Variants in PDE11A observed in about 807,000 individuals in gnomAD.
The protein encoded by PDE11A is phosphodiesterase 11A, also known as dual 3',5'-cyclic-AMP and -GMP phosphodiesterase 11A.
A neutral mutation model predicts 100.5 loss-of-function variants in PDE11A; 100 were observed. The observed-to-expected ratio is 1.00, with a 90% CI of 0.85 to 1.18. PDE11A has a LOEUF of 1.18. PDE11A is among the 50% of genes most tolerant of loss of function. The probability of loss-of-function intolerance (pLI) is 0.00; values close to 1 mark genes in which losing one functional copy is unlikely to be tolerated. For synonymous variants in PDE11A, 381 were observed against 420.8 expected (o/e 0.91, Z 1.16); for missense variants, 1,141 against 1,152.6 (o/e 0.99, Z 0.15).
intron 19 of PDE11A, among the ~76,000 whole-genome samples, chr2:177,637,759 G>T (rs767865089): frequency 6.6e-6 from 1 of 150,648 alleles, no homozygotes; most frequent in African/African-American, 2.4e-5. Context: ...CATTGGCATT[G>T]TCTCACAGCT....
In PDE11A at chr2:177,673,051, T is replaced by G. The variant is rs371344099; in HGVS notation, c.2487+2404A>C. Among the ~76,000 whole-genome samples the G allele has an allele frequency of 2.6e-5, 4 of 152,164 alleles. No homozygotes were observed. The East Asian group carries it at 7.7e-4, about 29-fold the overall frequency. ...AATTAAGTCAGAAGAGAGAAAGAAATAAATATATTTGCCACATTTCTTTAT... is the reference window on the plus strand; with the variant it reads ...AATTAAGTCAGAAGAGAGAAAGAAAGAAATATATTTGCCACATTTCTTTAT... On this transcript the variant is annotated intron_variant, in intron 17 of 19. Coordinates refer to ENST00000286063, the MANE Select transcript of PDE11A (RefSeq NM_016953.4).
chr2:177,846,612 A>G (rs2083605908), intron 5 of PDE11A, among the ~76,000 whole-genome samples: 1 of 152,200 alleles, frequency 6.6e-6, no homozygotes, highest in Non-Finnish European at 1.5e-5. Flanking sequence ...AGAACATGGT[A>G]AGATCACAGA....
At chr2:177,719,833 T>G (rs1349669169) in intron 12 of PDE11A, among the ~76,000 whole-genome samples, 2 of 152,164 alleles carry the variant, frequency 1.3e-5, no homozygotes, top group Non-Finnish European at 2.9e-5. Context: ...CTTTGAAGGT[T>G]TCATTGTAAA....
intron 2 of PDE11A, among the ~76,000 whole-genome samples, chr2:177,917,523 T>C (rs964877730): frequency 1.3e-5 from 2 of 152,236 alleles, no homozygotes; most frequent in Admixed American, 1.3e-4. Flanking sequence ...CTTTTTAAAA[T>C]GTAAGGTATA....
intron 5 of PDE11A, among the ~76,000 whole-genome samples, chr2:177,862,470 C>A (rs920998863): frequency 5.3e-5 from 8 of 151,714 alleles, no homozygotes; most frequent in African/African-American, 1.9e-4. Flanking sequence ...AACTGTTAGA[C>A]CTAATATATG....
At chr2:177,695,250 C>T (rs6433692) in intron 15 of PDE11A, among the ~76,000 whole-genome samples, 140,873 of 152,098 alleles carry the variant, frequency 0.93, 65,633 homozygotes, top group Middle Eastern at 0.97. Context: ...GTTACATGCA[C>T]AGAATGTGCC....
intron 9 of PDE11A, among the ~76,000 whole-genome samples, chr2:177,814,399 T>G (rs2105575669): frequency 6.6e-6 from 1 of 152,238 alleles, no homozygotes. Context: ...GGGTAAGAAA[T>G]CCTTCCAGAT....
chr2:177,903,869 G>T (rs968847891), intron 3 of PDE11A, among the ~76,000 whole-genome samples: 1 of 152,170 alleles, frequency 6.6e-6, no homozygotes, highest in African/African-American at 2.4e-5. Flanking sequence ...GGACTATATT[G>T]CTGGAGTTCC....
At chr2:178,058,975 A>AG (rs2086932934) in intron 1 of PDE11A, among the ~76,000 whole-genome samples, 2 of 152,160 alleles carry the variant, frequency 1.3e-5, no homozygotes, top group African/African-American at 4.8e-5. Context: ...GCATTCACCC[A>AG]GGGTCCTGTG....
chr2:177,673,725 G>T (rs961866517), intron 17 of PDE11A, among the ~76,000 whole-genome samples: 2 of 152,134 alleles, frequency 1.3e-5, no homozygotes, highest in Non-Finnish European at 2.9e-5. Flanking sequence ...TCACATTTTT[G>T]GTGATGAGAA....
intron 1 of PDE11A, among the ~76,000 whole-genome samples, chr2:178,063,748 G>A (rs1470958363): frequency 2.0e-5 from 3 of 152,178 alleles, no homozygotes; most frequent in Admixed American, 2.0e-4. Flanking sequence ...TTATATATCA[G>A]AGGTACCCTC....
intron 5 of PDE11A, among the ~76,000 whole-genome samples, chr2:177,849,404 A>G (rs1335683455): frequency 6.6e-6 from 1 of 152,218 alleles, no homozygotes; most frequent in African/African-American, 2.4e-5. Flanking sequence ...AAACTATAGC[A>G]TGAGTAAAGC....
At position 177,897,466 on chromosome 2, in the gene PDE11A, C is replaced by G. The variant is rs546473166; in HGVS notation, c.1302+592G>C. ...TTCACCTGGTAAGGCTACTTTGTGCCAGAATTCGCAGGTTAACAGCAGCTG... is the reference window on the plus strand; with the variant it reads ...TTCACCTGGTAAGGCTACTTTGTGCGAGAATTCGCAGGTTAACAGCAGCTG... On this transcript the variant is annotated intron_variant, in intron 4 of 19. Coordinates refer to ENST00000286063, the MANE Select transcript of PDE11A (RefSeq NM_016953.4). 1.4e-4 allele frequency among the ~76,000 whole-genome samples: 21 copies of G among 152,234 alleles called. No individual in the cohort carries two copies. The South Asian group carries it at 2.7e-3, about 20-fold the overall frequency.
At chr2:177,804,108 C>T (rs2082831823) in intron 9 of PDE11A, among the ~76,000 whole-genome samples, 1 of 150,108 alleles carries the variant, frequency 6.7e-6, no homozygotes, top group Non-Finnish European at 1.5e-5. Flanking sequence ...CAAAAATAGA[C>T]AAATGAGACT....
chr2:177,979,742 C>A (rs1222233979), intron 2 of PDE11A, among the ~76,000 whole-genome samples: 1 of 149,314 alleles, frequency 6.7e-6, no homozygotes, highest in Non-Finnish European at 1.5e-5. Context: ...TCCCGCGTAG[C>A]TGGGACTACA....
At position 177,628,529 on chromosome 2, in the gene PDE11A, T is replaced by C. The variant is rs1192767911; in HGVS notation, c.*878A>G. 6.6e-6 allele frequency: 1 copy of C among 152,428 alleles called. No individual in the cohort carries two copies. The highest frequency in any genetic ancestry group is 1.5e-5 in the Non-Finnish European group (1 of 68,044). 9.4% of individuals were successfully genotyped at this position (152,428 alleles called of 1,614,324 possible). A position where few individuals can be genotyped will look rare whatever the true frequency, so the allele number is the denominator to read the frequency against. On this transcript the variant is annotated 3_prime_UTR_variant, in exon 20 of 20. Transcript: ENST00000286063. Reference sequence around the variant, plus strand: ...TTACTGGTAGTAATCTTAAATTTTATACCAGAACTCCTCACTAGGAGAACT... The same window carrying C: ...TTACTGGTAGTAATCTTAAATTTTACACCAGAACTCCTCACTAGGAGAACT...
intron 2 of PDE11A, among the ~76,000 whole-genome samples, chr2:178,011,279 G>A (rs192078808): frequency 8.7e-4 from 133 of 152,230 alleles, no homozygotes; most frequent in Admixed American, 4.4e-3. Context: ...TAGGGAAGGT[G>A]GCGGTCATTG....
At chr2:178,012,411 T>A (rs955741927) in intron 2 of PDE11A, among the ~76,000 whole-genome samples, 8 of 152,210 alleles carry the variant, frequency 5.3e-5, no homozygotes, top group African/African-American at 1.4e-4. Context: ...GTTTCTTGTA[T>A]TTTGCAAAGT....
chr2:177,926,729 T>A (rs2085129634), intron 2 of PDE11A, among the ~76,000 whole-genome samples: 1 of 152,012 alleles, frequency 6.6e-6, no homozygotes, highest in Non-Finnish European at 1.5e-5. Flanking sequence ...ATATTTTATT[T>A]ATTATTATCT....
Sources: gnomAD v4.1 joint callset for allele counts (sites outside exome capture counted in the v4.1 genomes callset) on GRCh38, gnomAD v4.1.1 for gene constraint, MANE v1.5 for transcripts, NCBI Gene and HGNC (gene_info 2026-07-23, HGNC 2026-07-21) for gene names.